Variants in UNC13C observed in about 807,000 individuals in gnomAD.
UNC13C encodes protein unc-13 homolog C.
A neutral mutation model predicts 245.4 loss-of-function variants in UNC13C; 174 were observed. The observed-to-expected ratio is 0.71, with a 90% CI of 0.63 to 0.80. The LOEUF is 0.80. Among genes scored for constraint, UNC13C ranks in the 30% least tolerant of loss-of-function variants. The pLI, the probability that UNC13C is intolerant of heterozygous loss-of-function variation, is 0.00. For synonymous variants in UNC13C, 992 were observed against 895.1 expected (o/e 1.11, Z -1.93); for missense variants, 2,829 against 2,602.9 (o/e 1.09, Z -1.89).
intron 24 of UNC13C, among the ~76,000 whole-genome samples, chr15:54,519,793 C>T (rs1895139897): frequency 6.6e-6 from 1 of 152,122 alleles, no homozygotes; most frequent in East Asian, 1.9e-4. Context: ...CCACAGTATT[C>T]ATGCTGACAC....
At chr15:54,444,864 G>A (rs377034764) in intron 19 of UNC13C, among the ~76,000 whole-genome samples, 5 of 151,494 alleles carry the variant, frequency 3.3e-5, no homozygotes, top group Admixed American at 6.6e-5. Context: ...TATGTACAAC[G>A]TGCAGGTTTG....
At chr15:54,422,174 T>C (rs1217187416) in intron 19 of UNC13C, among the ~76,000 whole-genome samples, 3 of 151,958 alleles carry the variant, frequency 2.0e-5, no homozygotes, top group African/African-American at 7.2e-5. Context: ...TTTCTCTTGC[T>C]CTACCACCAT....
At chr15:54,420,876 A>T (rs1296227130) in intron 19 of UNC13C, among the ~76,000 whole-genome samples, 1 of 152,050 alleles carries the variant, frequency 6.6e-6, no homozygotes, top group East Asian at 1.9e-4. Context: ...ACTGAAAAGA[A>T]ATTAACCAGA....
chr15:53,910,688 G>C, the UNC13C span: 1 of 147,378 alleles, frequency 6.8e-6, no homozygotes, highest in South Asian at 2.3e-4. Context: ...AGTTGCAGGT[G>C]TGGGGGCAGC....
chr15:54,432,037 A>G (rs985586227), intron 19 of UNC13C, among the ~76,000 whole-genome samples: 3 of 151,596 alleles, frequency 2.0e-5, no homozygotes, highest in African/African-American at 4.8e-5. Context: ...ATTTTTAAAG[A>G]TATGATTTCT....
chr15:54,246,689 A>T (rs2140856670), intron 7 of UNC13C, among the ~76,000 whole-genome samples: 1 of 150,902 alleles, frequency 6.6e-6, no homozygotes, highest in East Asian at 2.0e-4. Flanking sequence ...TTTAAAATAG[A>T]CTAGCAGCTG....
chr15:53,880,233 T>C, the UNC13C span, among the ~76,000 whole-genome samples: 1 of 152,154 alleles, frequency 6.6e-6, no homozygotes, highest in Admixed American at 6.6e-5. Flanking sequence ...GAATAAGAGC[T>C]CTTGAAGCAC....
At chr15:54,451,571 A>G (rs1351497879) in intron 19 of UNC13C, among the ~76,000 whole-genome samples, 1 of 151,748 alleles carries the variant, frequency 6.6e-6, no homozygotes. Flanking sequence ...TGCATTTTTT[A>G]CTTCATTCAA....
rs2037384 is a variant in UNC13C at position 54,600,679 on chromosome 15, T to C, written c.6107-21648T>C. On this transcript the variant is annotated intron_variant, in intron 30 of 32. Coordinates refer to ENST00000260323, the MANE Select transcript of UNC13C (RefSeq NM_001080534.3). Reference sequence around the variant, plus strand: ...TGGATTATTCTCACCAATCAGTGTTTGTTTTTTATCTTTCTTATACAAAAT... The same window carrying C: ...TGGATTATTCTCACCAATCAGTGTTCGTTTTTTATCTTTCTTATACAAAAT... 9.6e-3 allele frequency among the ~76,000 whole-genome samples: 1,462 copies of C among 152,254 alleles called. 25 individuals are homozygous for C. The highest frequency in any genetic ancestry group is 0.034 in the African/African-American group (1,421 of 41,558).
At chr15:54,500,788 C>A (rs771997211) in intron 21 of UNC13C, 47 bp from the exon 22 acceptor site, 2 of 1,534,476 alleles carry the variant, frequency 1.3e-6, no homozygotes, top group South Asian at 2.5e-5. Flanking sequence ...TTTTCCATTC[C>A]GCCTCTAATG....
intron 2 of UNC13C, chr15:54,050,294 T>A (rs1397375776): frequency 3.4e-6 from 2 of 584,858 alleles, no homozygotes; most frequent in Non-Finnish European, 6.6e-6. Flanking sequence ...AATGATTAGC[T>A]GCTTGCCTGC....
intron 2 of UNC13C, among the ~76,000 whole-genome samples, chr15:54,086,887 C>T (rs1240687863): frequency 1.3e-5 from 2 of 151,876 alleles, no homozygotes; most frequent in Admixed American, 6.6e-5. Context: ...GGGCACCTGC[C>T]ACTGACCCAG....
the UNC13C span, among the ~76,000 whole-genome samples, chr15:53,924,548 T>C: frequency 6.6e-6 from 1 of 152,218 alleles, no homozygotes; most frequent in Non-Finnish European, 1.5e-5. Context: ...CACTGTATTT[T>C]TAGCCTGTAG....
At chr15:53,899,261 G>A in the UNC13C span, among the ~76,000 whole-genome samples, 1 of 152,162 alleles carries the variant, frequency 6.6e-6, no homozygotes, top group Non-Finnish European at 1.5e-5. Context: ...TATCCTTAAT[G>A]CCTAATAGAC....
intron 20 of UNC13C, among the ~76,000 whole-genome samples, chr15:54,498,597 T>A (rs1449855680): frequency 6.6e-6 from 1 of 152,170 alleles, no homozygotes. Context: ...TATTTAAAAC[T>A]TTATTAAATT....
intron 8 of UNC13C, among the ~76,000 whole-genome samples, chr15:54,256,848 G>A (rs1321606427): frequency 6.6e-6 from 1 of 152,186 alleles, no homozygotes; most frequent in Non-Finnish European, 1.5e-5. Flanking sequence ...TTGATATTTT[G>A]TGGTTTACGC....
At chr15:53,906,663 T>G in the UNC13C span, among the ~76,000 whole-genome samples, 1 of 152,186 alleles carries the variant, frequency 6.6e-6, no homozygotes, top group Non-Finnish European at 1.5e-5. Context: ...CTAAAATGGT[T>G]GTTGTCAATT....
At chr15:54,069,205 C>A (rs751814142) in intron 2 of UNC13C, among the ~76,000 whole-genome samples, 5 of 152,134 alleles carry the variant, frequency 3.3e-5, no homozygotes, top group Non-Finnish European at 7.4e-5. Context: ...CCTCTTCTGT[C>A]TGAAAGTGTT....
chr15:54,434,728 A>T (rs2040944560), intron 19 of UNC13C, among the ~76,000 whole-genome samples: 1 of 152,190 alleles, frequency 6.6e-6, no homozygotes, highest in African/African-American at 2.4e-5. Context: ...GCCAAAATTG[A>T]CAAATGGGAT....
Sources: gnomAD v4.1 joint callset for allele counts (sites outside exome capture counted in the v4.1 genomes callset) on GRCh38, gnomAD v4.1.1 for gene constraint, MANE v1.5 for transcripts, NCBI Gene and HGNC (gene_info 2026-07-23, HGNC 2026-07-21) for gene names.